Variants in NLN observed in about 807,000 individuals in gnomAD.
NLN encodes the protein neurolysin, mitochondrial.
Under a neutral mutation model 79.9 loss-of-function variants are expected in NLN, and 64 were observed. That is an observed-to-expected ratio of 0.80 (90% CI 0.65 to 0.99). NLN has a LOEUF of 0.99. NLN is among the 50% of genes least tolerant of loss of function. The probability of loss-of-function intolerance (pLI) is 0.00; values close to 1 mark genes in which losing one functional copy is unlikely to be tolerated. For missense variants in NLN, 835 were observed against 858.7 expected (o/e 0.97, Z 0.34); for synonymous variants, 267 against 296.6 (o/e 0.90, Z 1.02).
chr5:65,797,074 G>A (rs1488892497), intron 9 of NLN, among the ~76,000 whole-genome samples: 1 of 152,204 alleles, frequency 6.6e-6, no homozygotes, highest in Non-Finnish European at 1.5e-5. Flanking sequence ...TTACAGGGTA[G>A]GTAGGTAATT....
Position 65,746,420 on chromosome 5 carries a change from G to C in NLN, c.42-12147G>C, listed in dbSNP as rs79000277. On this transcript the variant is annotated intron_variant, in intron 1 of 12. Coordinates refer to ENST00000380985, the MANE Select transcript of NLN (RefSeq NM_020726.5). ...AAGATGTAAATAGTGAAGAATGTCT[G>C]TTGCATTTAGTAGAAATCACTGGGG... is the stretch of plus-strand genomic sequence containing the variant. 1.2e-3 allele frequency among the ~76,000 whole-genome samples: 178 copies of C among 152,324 alleles called. 2 individuals carry two copies. The highest frequency in any genetic ancestry group is 4.1e-3 in the African/African-American group (171 of 41,574).
At chr5:65,724,974 TTTTTTTA>T (rs1758433576) in intron 1 of NLN, among the ~76,000 whole-genome samples, 1 of 151,882 alleles carries the variant, frequency 6.6e-6, no homozygotes, top group Admixed American at 6.6e-5. Context: ...GCTAATTTTT[TTTTTTTA>T]TTTTTAGTAG....
At chr5:65,798,182 A>G (rs1275752669) in intron 9 of NLN, among the ~76,000 whole-genome samples, 2 of 152,184 alleles carry the variant, frequency 1.3e-5, no homozygotes, top group African/African-American at 4.8e-5. Flanking sequence ...GGAAATATAC[A>G]CACTGCTTTA....
chr5:65,729,369 C>CTTT (rs34963968), intron 1 of NLN, among the ~76,000 whole-genome samples: 53 of 100,948 alleles, frequency 5.3e-4, no homozygotes, highest in South Asian at 9.8e-4. Flanking sequence ...GTTTTCTTTT[C>CTTT]TTTTTTTTTT....
intron 8 of NLN, among the ~76,000 whole-genome samples, chr5:65,791,521 G>A (rs562575807): frequency 6.6e-5 from 10 of 152,164 alleles, no homozygotes; most frequent in Middle Eastern, 3.4e-3. Flanking sequence ...TCTTGCCACC[G>A]CACCCCAGCC....
intron 3 of NLN, among the ~76,000 whole-genome samples, chr5:65,775,770 G>C (rs1227354829): frequency 2.6e-5 from 4 of 152,182 alleles, no homozygotes; most frequent in Non-Finnish European, 5.9e-5. Flanking sequence ...GGCACCTGCT[G>C]CTAGCATCCC....
chr5:65,750,233 C>T (rs1472397394), intron 1 of NLN, among the ~76,000 whole-genome samples: 1 of 152,202 alleles, frequency 6.6e-6, no homozygotes, highest in African/African-American at 2.4e-5. Flanking sequence ...GTGTGGTACC[C>T]ACTTACTACA....
intron 1 of NLN, among the ~76,000 whole-genome samples, chr5:65,745,413 A>G (rs550921805): frequency 3.5e-4 from 53 of 152,238 alleles, no homozygotes; most frequent in Non-Finnish European, 7.1e-4. Flanking sequence ...TTTTCAGTTT[A>G]TAAATAAAAA....
At chr5:65,812,076 A>G (rs1336666133) in intron 11 of NLN, among the ~76,000 whole-genome samples, 179 bp from the exon 12 acceptor site, 2 of 152,194 alleles carry the variant, frequency 1.3e-5, no homozygotes, top group Non-Finnish European at 2.9e-5. Flanking sequence ...AGCCATTGAT[A>G]GATGTTTATA....
At chr5:65,808,313 C>T (rs1018313928) in intron 9 of NLN, among the ~76,000 whole-genome samples, 2 of 152,192 alleles carry the variant, frequency 1.3e-5, no homozygotes, top group Non-Finnish European at 2.9e-5. Flanking sequence ...ATTCGGCACC[C>T]CATCTGCTGC....
In NLN at chr5:65,781,303, A is replaced by T; in HGVS notation, c.704A>T (p.Asp235Val). The change falls in exon 6 of 13, where the codon GAT becomes GTT. Residue 235 changes from aspartate to valine, a missense_variant. By Grantham distance (152) the Asp-to-Val change is radical (BLOSUM62 -3). Transcript: ENST00000380985. ...TTCATTGACAGTTTAGAAAAGACAG[A>T]TGATGACAAGTATAAAATTACCTTA... ...DDFIDSLEKT[D>V]DDKYKITLKY... 1 of 1,609,234 alleles carries T rather than the reference A, an allele frequency of 6.2e-7. No homozygotes were observed. Among genetic ancestry groups the T allele is most frequent in the Non-Finnish European group, 8.5e-7 (1 of 1,175,884 alleles).
At position 65,827,113 on chromosome 5, in the gene NLN, T is replaced by G. The variant is rs1480261587; in HGVS notation, c.*4198T>G. Reference sequence around the variant, plus strand: ...TGTAAATATTAGACCAAAATAGCCTTTTTTAACAAACACAATAATGCTGTA... The same window carrying G: ...TGTAAATATTAGACCAAAATAGCCTGTTTTAACAAACACAATAATGCTGTA... On this transcript the variant is annotated 3_prime_UTR_variant, in exon 13 of 13. Coordinates refer to ENST00000380985, the MANE Select transcript of NLN (RefSeq NM_020726.5). 1 of 151,866 alleles carries G rather than the reference T, an allele frequency of 6.6e-6. No homozygotes were observed. Among genetic ancestry groups the G allele is most frequent in the East Asian group, 1.9e-4 (1 of 5,194 alleles). The allele number at this position is 151,866 out of a possible 1,614,324, so 9.4% of individuals were successfully genotyped here.
At chr5:65,732,602 G>A (rs1758634822) in intron 1 of NLN, among the ~76,000 whole-genome samples, 1 of 141,672 alleles carries the variant, frequency 7.1e-6, no homozygotes, top group Non-Finnish European at 1.6e-5. Flanking sequence ...AGGTGAGGGA[G>A]TAGGCAGGAG....
chr5:65,758,762 T>C lies in NLN; in HGVS notation c.237T>C (p.Gly79=), dbSNP rs1318249919. The change falls in exon 2 of 13, where the codon GGT becomes GGC. Residue 79 remains glycine, a synonymous_variant. Transcript: ENST00000380985. ...TGTACGATGCTGTTGGAATGCTCGG[T>C]ATTGAGGAAGTAACTTACGAGAACT... ...KQVYDAVGML[G]IEEVTYENCL... 4.3e-6 allele frequency: 7 copies of C among 1,613,728 alleles called. No individual in the cohort carries two copies. Among genetic ancestry groups the C allele is most frequent in the Non-Finnish European group, 5.1e-6 (6 of 1,179,734 alleles).
At chr5:65,769,588 G>A (rs938015259) in intron 3 of NLN, among the ~76,000 whole-genome samples, 2 of 152,144 alleles carry the variant, frequency 1.3e-5, no homozygotes, top group Non-Finnish European at 2.9e-5. Context: ...TTGATTAAAT[G>A]GATGGAAGAA....
chr5:65,817,884 C>T (rs1458290723), intron 12 of NLN, among the ~76,000 whole-genome samples: 3 of 152,140 alleles, frequency 2.0e-5, no homozygotes, highest in African/African-American at 7.2e-5. Flanking sequence ...CCCAATTCTT[C>T]CTGTAATGTG....
At chr5:65,767,552 C>T (rs1759479540) in intron 3 of NLN, among the ~76,000 whole-genome samples, 1 of 152,208 alleles carries the variant, frequency 6.6e-6, no homozygotes, top group Admixed American at 6.5e-5. Context: ...AGACCTCTGA[C>T]ATGCCCTGGG....
intron 9 of NLN, chr5:65,792,863 T>A (rs1473605720): frequency 1.6e-6 from 1 of 631,978 alleles, no homozygotes; most frequent in African/African-American, 1.8e-5. Flanking sequence ...CAGTGAAAGA[T>A]GTTTGTTGAA....
rs1170872568 is a variant in NLN at position 65,823,722 on chromosome 5, A to G, written c.*807A>G. The stretch of plus-strand genomic sequence containing the variant: ...AGAATACTAAAGCAAGTCCAAGCAC[A>G]TTTTTCTCTTCTCACGTTTCTAATA... On this transcript the variant is annotated 3_prime_UTR_variant, in exon 13 of 13. Transcript: ENST00000380985. The G allele has an allele frequency of 6.6e-6, 1 of 151,876 alleles. No individual in the cohort carries two copies. The highest frequency in any genetic ancestry group is 1.5e-5 in the Non-Finnish European group (1 of 68,002). The allele number at this position is 151,876 out of a possible 1,614,324, so 9.4% of individuals were successfully genotyped here. A position where few individuals can be genotyped will look rare whatever the true frequency, so the allele number is the denominator to read the frequency against.
Sources: allele counts gnomAD v4.1 joint callset (sites outside exome capture counted in the v4.1 genomes callset), GRCh38; gene constraint gnomAD v4.1.1; transcripts MANE v1.5; gene names NCBI Gene and HGNC (gene_info 2026-07-23, HGNC 2026-07-21).